APOO: variants seen among roughly 807,000 people sequenced by gnomAD.
APOO encodes the protein apolipoprotein O.
In APOO, 11 loss-of-function variants were observed where a neutral mutation model predicts 23.1. That is an observed-to-expected ratio of 0.48 (90% CI 0.30 to 0.79). The LOEUF is 0.79. Ranked by LOEUF, APOO falls within the 30% of genes least tolerant of loss-of-function variation. The pLI is 0.07. For synonymous variants in APOO, 59 were observed against 54.8 expected, an observed-to-expected ratio of 1.08 and a Z score of -0.34; for missense variants, 160 against 142.7, an observed-to-expected ratio of 1.12 and a Z score of -0.62.
intron 3 of APOO, 60 bp from the exon 4 acceptor site, chrX:23,874,517 A>G: frequency 2.1e-6 from 2 of 958,608 alleles, no homozygotes; most frequent in Non-Finnish European, 3.0e-6. Flanking sequence ...TTAGAAAGTT[A>G]ACAGAATAAA....
At chrX:23,843,527 C>A (rs1924090420) in intron 7 of APOO, among the ~76,000 whole-genome samples, 1 of 107,330 alleles carries the variant, frequency 9.3e-6, no homozygotes, top group Non-Finnish European at 1.9e-5. Flanking sequence ...TCATACATAT[C>A]TGATTTCAGT....
Position 23,888,194 on chromosome X carries a change from G to GA in APOO, c.10-7243dup, listed in dbSNP as rs1238394760. Reference sequence around the variant, plus strand: ...ACAGCCCGCAAGGGGCTTGTCAATGGAAACAGAGCAACCAGTATTGGTGTT... The same window carrying GA: ...ACAGCCCGCAAGGGGCTTGTCAATGGAAAACAGAGCAACCAGTATTGGTGTT... On this transcript the variant is annotated intron_variant, in intron 1 of 8. Coordinates refer to ENST00000379226, the MANE Select transcript of APOO (RefSeq NM_024122.5). Among the ~76,000 whole-genome samples the GA allele has an allele frequency of 2.7e-5, 3 of 112,010 alleles. No individual in the cohort carries two copies. In the East Asian group the frequency reaches 8.4e-4, roughly 31 times the overall value.
chrX:23,884,048 G>A (rs1926261148), intron 1 of APOO: 1 of 111,752 alleles, frequency 8.9e-6, no homozygotes, highest in Non-Finnish European at 1.9e-5. Flanking sequence ...AGTGTAGGGA[G>A]TTCGAGTTTT....
chrX:23,882,369 A>G (rs1262488707), intron 1 of APOO, among the ~76,000 whole-genome samples: 1 of 112,303 alleles, frequency 8.9e-6, no homozygotes, highest in Non-Finnish European at 1.9e-5. Context: ...GAATAGCCTC[A>G]TCTTTCACAT....
chrX:23,907,114 G>T (rs892525382), intron 1 of APOO, among the ~76,000 whole-genome samples: 7 of 111,914 alleles, frequency 6.3e-5, no homozygotes, highest in African/African-American at 2.3e-4. Context: ...CGTAAAAGTC[G>T]ATTTTTTTCC....
chrX:23,869,073 T>C lies in APOO; in HGVS notation c.293-385A>G, dbSNP rs753450700. 1.4e-3 allele frequency among the ~76,000 whole-genome samples: 153 copies of C among 109,596 alleles called. 1 individual carries two copies. Among genetic ancestry groups the C allele is most frequent in the African/African-American group, 4.8e-3 (145 of 30,197 alleles). ...ACAAGCGCCCGCCACCACGCCCAGC[T>C]AACTTTTGTATTTTTAGTAGAGATG... is the stretch of plus-strand genomic sequence containing the variant. On this transcript the variant is annotated intron_variant, in intron 4 of 8. Coordinates refer to ENST00000379226, the MANE Select transcript of APOO (RefSeq NM_024122.5).
At chrX:23,888,757 AGAGAATCGTTTGAACCTGGAAGGTG>A (rs1237866406) in intron 1 of APOO, among the ~76,000 whole-genome samples, 2 of 105,906 alleles carry the variant, frequency 1.9e-5, no homozygotes, top group Non-Finnish European at 3.9e-5. Flanking sequence ...GGCTGAGGCA[AGAGAATCGTTTGAACCTGGAAGGTG>A]GAGGTTGCAG....
Position 23,880,824 on chromosome X carries a change from G to A in APOO, c.117+21C>T, listed in dbSNP as rs73625188. The A allele has an allele frequency of 0.017, 17,773 of 1,049,399 alleles. 1,461 individuals carry two copies. In the African/African-American group the frequency reaches 0.27, roughly 16 times the overall value. 86.5% of individuals were successfully genotyped at this position (1,049,399 alleles called of 1,213,427 possible). ...CTAAATCAGACACTCAAAATATATC[G>A]CAACATGAACAACATGTTACCTCAT... On this transcript the variant is annotated intron_variant, in intron 2 of 8. Coordinates refer to ENST00000379226, the MANE Select transcript of APOO (RefSeq NM_024122.5).
chrX:23,835,741 A>G (rs1923633161), intron 8 of APOO, among the ~76,000 whole-genome samples: 1 of 111,577 alleles, frequency 9.0e-6, no homozygotes, highest in African/African-American at 3.3e-5. Context: ...AAAAAAATGA[A>G]CCTAAGTCTA....
intron 1 of APOO, among the ~76,000 whole-genome samples, chrX:23,889,883 A>C (rs189754280): frequency 1.5e-3 from 168 of 109,267 alleles, no homozygotes; most frequent in African/African-American, 2.6e-3. Context: ...GGATGGTCTC[A>C]ATCTTCTGAC....
At chrX:23,852,512 G>A (rs1239429753) in intron 7 of APOO, among the ~76,000 whole-genome samples, 1 of 109,773 alleles carries the variant, frequency 9.1e-6, no homozygotes, top group African/African-American at 3.3e-5. Context: ...TACTCGTGAG[G>A]CTGAGGCAGG....
At chrX:23,836,629 T>C (rs1249549554) in intron 8 of APOO, 2 of 711,500 alleles carry the variant, frequency 2.8e-6, no homozygotes, top group Non-Finnish European at 3.9e-6. Flanking sequence ...TAATTTCTTT[T>C]TTTTTTTTTT....
At chrX:23,867,646 C>T (rs982228381) in intron 5 of APOO, among the ~76,000 whole-genome samples, 14 of 111,433 alleles carry the variant, frequency 1.3e-4, no homozygotes, top group African/African-American at 3.9e-4. Context: ...AGGTTCACAC[C>T]GTTCTCCTGC....
intron 3 of APOO, among the ~76,000 whole-genome samples, chrX:23,875,587 T>G (rs1480133670): frequency 9.4e-6 from 1 of 106,563 alleles, no homozygotes; most frequent in Non-Finnish European, 1.9e-5. Flanking sequence ...GCCCAACTAA[T>G]TTTTGTATTT....
In APOO at chrX:23,863,591, A is replaced by T. The variant is rs1925197936; in HGVS notation, c.389-4858T>A. Among the ~76,000 whole-genome samples, 4 of 111,529 alleles carry T rather than the reference A, an allele frequency of 3.6e-5. No homozygotes were observed. In the Admixed American group the frequency reaches 3.9e-4, roughly 11 times the overall value. ...TCACATGGTATGAGGGCAGAAAGTG[A>T]TTTTCAGACATGGAAGGTCTTGGGA... is the stretch of plus-strand genomic sequence containing the variant. On this transcript the variant is annotated intron_variant, in intron 5 of 8. Transcript: ENST00000379226.
At position 23,878,897 on chromosome X, in the gene APOO, T is replaced by C; in HGVS notation, c.237+18A>G. 8.3e-7 allele frequency: 1 copy of C among 1,205,678 alleles called. No homozygotes were observed. Among genetic ancestry groups the C allele is most frequent in the Non-Finnish European group, 1.1e-6 (1 of 891,390 alleles). On this transcript the variant is annotated intron_variant, in intron 3 of 8. Coordinates refer to ENST00000379226, the MANE Select transcript of APOO (RefSeq NM_024122.5). ...TCTAAACAGAAATGCGTTCACTCCA[T>C]TTTCAGAACAGTTGTACCTGACACC...
rs1009751170 is a variant in APOO at position 23,894,448 on chromosome X, A to C, written c.9+13246T>G. The stretch of plus-strand genomic sequence containing the variant: ...CAACCAAAATTTACTTTTAATATGT[A>C]ATCATATGGCTTCCATTTCTAAATG... On this transcript the variant is annotated intron_variant, in intron 1 of 8. Coordinates refer to ENST00000379226, the MANE Select transcript of APOO (RefSeq NM_024122.5). Among the ~76,000 whole-genome samples the C allele has an allele frequency of 2.7e-5, 3 of 111,903 alleles. No homozygotes were observed. In the Admixed American group the frequency reaches 2.9e-4, roughly 11 times the overall value.
intron 1 of APOO, among the ~76,000 whole-genome samples, chrX:23,889,431 C>G (rs1245122753): frequency 9.0e-6 from 1 of 111,189 alleles, no homozygotes; most frequent in Non-Finnish European, 1.9e-5. Flanking sequence ...TATTCAGACT[C>G]TCATGAATGG....
chrX:23,898,068 T>A (rs1289918415), intron 1 of APOO, among the ~76,000 whole-genome samples: 1 of 104,176 alleles, frequency 9.6e-6, no homozygotes, highest in East Asian at 3.3e-4. Context: ...AAAAAAAAAA[T>A]CTACCTAGAC....
Sources: gnomAD v4.1 joint callset for allele counts (sites outside exome capture counted in the v4.1 genomes callset) on GRCh38, gnomAD v4.1.1 for gene constraint, MANE v1.5 for transcripts, NCBI Gene and HGNC (gene_info 2026-07-23, HGNC 2026-07-21) for gene names.